The following SRBD1 variants were observed in gnomAD, a reference collection of about 807,000 sequenced individuals.
The protein encoded by SRBD1 is S1 RNA-binding domain-containing protein 1.
A neutral mutation model predicts 115.3 loss-of-function variants in SRBD1; 88 were observed. That is an observed-to-expected ratio of 0.76 (90% CI 0.64 to 0.91). SRBD1 has a LOEUF of 0.91. Among genes scored for constraint, SRBD1 ranks in the 40% least tolerant of loss-of-function variants. SRBD1 has a pLI of 0.00. For missense variants in SRBD1, 1,385 were observed against 1,177.4 expected, an observed-to-expected ratio of 1.18 and a Z score of -2.58; for synonymous variants, 509 against 407.7, an observed-to-expected ratio of 1.25 and a Z score of -2.99.
chr2:45,466,125 T>C (rs1267091713), intron 16 of SRBD1, among the ~76,000 whole-genome samples: 6 of 152,178 alleles, frequency 3.9e-5, no homozygotes, highest in Non-Finnish European at 7.3e-5. Context: ...AAATAAATAC[T>C]GTGATTTCAG....
chr2:45,564,624 T>G (rs1235041716), intron 9 of SRBD1, among the ~76,000 whole-genome samples: 1 of 152,212 alleles, frequency 6.6e-6, no homozygotes, highest in Non-Finnish European at 1.5e-5. Flanking sequence ...AAATAATTTT[T>G]TTTAATTCCA....
intron 4 of SRBD1, among the ~76,000 whole-genome samples, chr2:45,589,746 T>C (rs557091291): frequency 4.1e-4 from 62 of 152,330 alleles, no homozygotes; most frequent in African/African-American, 1.5e-3. Flanking sequence ...GGACTCCAAA[T>C]CACCAAATGT....
chr2:45,390,236 T>C (rs993064893), intron 20 of SRBD1, among the ~76,000 whole-genome samples: 1 of 152,220 alleles, frequency 6.6e-6, no homozygotes, highest in African/African-American at 2.4e-5. Flanking sequence ...CTTTCTCTTC[T>C]TTCAATTAAA....
At chr2:45,608,899 C>A (rs1185224025) in intron 1 of SRBD1, among the ~76,000 whole-genome samples, 2 of 151,918 alleles carry the variant, frequency 1.3e-5, no homozygotes, top group African/African-American at 2.4e-5. Context: ...ACTCTGCCTC[C>A]CAGGTTCAAG....
At chr2:45,451,572 C>T (rs145202226) in intron 16 of SRBD1, among the ~76,000 whole-genome samples, 3 of 151,800 alleles carry the variant, frequency 2.0e-5, no homozygotes, top group South Asian at 2.1e-4. Flanking sequence ...GAAGATCTGC[C>T]GGCATACAGT....
chr2:45,411,027 T>C (rs748198786), intron 19 of SRBD1, among the ~76,000 whole-genome samples: 1 of 152,320 alleles, frequency 6.6e-6, no homozygotes, highest in South Asian at 2.1e-4. Context: ...GGCAAATTAA[T>C]TGAACTCCAG....
At chr2:45,563,112 T>A (rs1359014650) in intron 9 of SRBD1, among the ~76,000 whole-genome samples, 2 of 152,164 alleles carry the variant, frequency 1.3e-5, no homozygotes, top group East Asian at 3.9e-4. Context: ...CTAAGATAAA[T>A]ACAAACATGT....
At chr2:45,593,046 A>AT (rs35422352) in intron 4 of SRBD1, among the ~76,000 whole-genome samples, 1 of 152,172 alleles carries the variant, frequency 6.6e-6, no homozygotes, top group Admixed American at 6.5e-5. Flanking sequence ...TTACTTTTAT[A>AT]TTTTTTAAAA....
chr2:45,496,385 T>C (rs1047991743), intron 14 of SRBD1, among the ~76,000 whole-genome samples: 1 of 151,458 alleles, frequency 6.6e-6, no homozygotes, highest in Non-Finnish European at 1.5e-5. Context: ...ATACTGACTA[T>C]TAAAAGCATT....
intron 4 of SRBD1, among the ~76,000 whole-genome samples, chr2:45,588,989 C>T (rs1349880049): frequency 6.6e-6 from 1 of 152,148 alleles, no homozygotes; most frequent in African/African-American, 2.4e-5. Context: ...CATCCATCTA[C>T]TCTGTCACCA....
chr2:45,400,811 A>G (rs2103830597), intron 19 of SRBD1, among the ~76,000 whole-genome samples: 1 of 151,320 alleles, frequency 6.6e-6, no homozygotes, highest in South Asian at 2.1e-4. Flanking sequence ...AAGAAAACTG[A>G]GGTATAGAGA....
chr2:45,580,435 T>C (rs1419621207), intron 6 of SRBD1, among the ~76,000 whole-genome samples: 1 of 151,214 alleles, frequency 6.6e-6, no homozygotes, highest in African/African-American at 2.4e-5. Flanking sequence ...AAGCTCTGCC[T>C]CCCAGGTTTA....
At chr2:45,550,609 A>G (rs774043597) in intron 12 of SRBD1, among the ~76,000 whole-genome samples, 4 of 152,180 alleles carry the variant, frequency 2.6e-5, no homozygotes, top group African/African-American at 9.7e-5. Context: ...ATGTTTTCAG[A>G]CAAACTAAAA....
chr2:45,396,828 C>T (rs1232932952), intron 19 of SRBD1, among the ~76,000 whole-genome samples: 1 of 152,106 alleles, frequency 6.6e-6, no homozygotes, highest in Non-Finnish European at 1.5e-5. Context: ...GGACTTGGTT[C>T]ATTACATTAA....
At chr2:45,574,784 T>C (rs1673127361) in intron 7 of SRBD1, 61 bp from the exon 8 acceptor site, 8 of 1,374,312 alleles carry the variant, frequency 5.8e-6, no homozygotes, top group South Asian at 2.5e-5. Flanking sequence ...TTTTAAATTC[T>C]ATAACTAAAT....
intron 16 of SRBD1, among the ~76,000 whole-genome samples, chr2:45,444,133 C>T (rs1403048499): frequency 6.6e-6 from 1 of 152,124 alleles, no homozygotes; most frequent in Non-Finnish European, 1.5e-5. Flanking sequence ...TGGCCAGGAG[C>T]AGTGGCTCAC....
chr2:45,468,798 C>T (rs2344656), intron 16 of SRBD1, among the ~76,000 whole-genome samples: 151,847 of 152,332 alleles, frequency 1, 75,685 homozygotes, highest in Middle Eastern at 1. Flanking sequence ...ATCTCCAGCT[C>T]TGTTAACTTC....
At chr2:45,530,145 T>G (rs1267224399) in intron 14 of SRBD1, among the ~76,000 whole-genome samples, 1 of 151,980 alleles carries the variant, frequency 6.6e-6, no homozygotes, top group African/African-American at 2.4e-5. Context: ...CAAAAGGTAG[T>G]GGGAATTTCA....
chr2:45,559,359 G>C (rs549416222), intron 10 of SRBD1, among the ~76,000 whole-genome samples: 235 of 152,252 alleles, frequency 1.5e-3, no homozygotes, highest in Middle Eastern at 3.4e-3. Flanking sequence ...TTCATTCCAT[G>C]TCACTTCTCT....
Sources: allele counts gnomAD v4.1 joint callset (sites outside exome capture counted in the v4.1 genomes callset), GRCh38; gene constraint gnomAD v4.1.1; transcripts MANE v1.5; gene names NCBI Gene and HGNC (gene_info 2026-07-23, HGNC 2026-07-21).